Variants in ASH1L observed in about 807,000 individuals in gnomAD.
ASH1L encodes the protein ASH1 like histone lysine methyltransferase, also known as histone-lysine N-methyltransferase ASH1L.
Under a neutral mutation model 269.0 loss-of-function variants are expected in ASH1L, and 23 were observed. That is an observed-to-expected ratio of 0.09 (90% CI 0.06 to 0.12). The LOEUF (loss-of-function observed/expected upper bound fraction) is 0.12. Among genes scored for constraint, ASH1L ranks in the 10% least tolerant of loss-of-function variants. The probability of loss-of-function intolerance (pLI) is 1.00; values close to 1 mark genes in which losing one functional copy is unlikely to be tolerated. For synonymous variants in ASH1L, 1,187 were observed against 1,253.5 expected, an observed-to-expected ratio of 0.95 and a Z score of 1.12; for missense variants, 2,912 against 3,567.8, an observed-to-expected ratio of 0.82 and a Z score of 4.68.
chr1:155,508,265 CAT>C (rs1667939438), intron 2 of ASH1L, among the ~76,000 whole-genome samples: 1 of 152,108 alleles, frequency 6.6e-6, no homozygotes. Context: ...CAAAGCCAAA[CAT>C]AAATTTTTAG....
intron 21 of ASH1L, among the ~76,000 whole-genome samples, chr1:155,344,893 G>A (rs986588536): frequency 6.6e-6 from 1 of 152,070 alleles, no homozygotes; most frequent in African/African-American, 2.4e-5. Flanking sequence ...TGACGTTAAG[G>A]GTACCAAGTT....
chr1:155,445,804 A>C (rs550822175), intron 4 of ASH1L, among the ~76,000 whole-genome samples: 3 of 152,250 alleles, frequency 2.0e-5, no homozygotes, highest in East Asian at 3.9e-4. Context: ...TCTCAAAAAG[A>C]CTTTGTATTT....
At chr1:155,470,433 T>C (rs973177044) in intron 3 of ASH1L, among the ~76,000 whole-genome samples, 2 of 151,234 alleles carry the variant, frequency 1.3e-5, no homozygotes, top group South Asian at 2.1e-4. Flanking sequence ...CACTCCAGCC[T>C]GGCCAACAGA....
In ASH1L at chr1:155,352,874, G is replaced by A. The variant is rs1166365715; in HGVS notation, c.7214-16C>T. The A allele has an allele frequency of 6.3e-7, 1 of 1,582,596 alleles. No homozygotes were observed. The highest frequency in any genetic ancestry group is 8.6e-7 in the Non-Finnish European group (1 of 1,167,612). On this transcript the variant is annotated splice_polypyrimidine_tract_variant and intron_variant, in intron 16 of 27. Coordinates refer to ENST00000392403, the MANE Select transcript of ASH1L (RefSeq NM_018489.3). ...ATGAAGACATCTGGAAAAATAAAGT[G>A]AAAATTAAGTTACAGGAAACAAGGA...
At chr1:155,518,589 C>G (rs1668651067) in intron 2 of ASH1L, among the ~76,000 whole-genome samples, 1 of 145,978 alleles carries the variant, frequency 6.9e-6, no homozygotes, top group Admixed American at 7.3e-5. Context: ...AGAAGATACA[C>G]AAATGGCCAA....
chr1:155,425,114 C>T (rs1459142250), intron 5 of ASH1L, among the ~76,000 whole-genome samples: 2 of 151,606 alleles, frequency 1.3e-5, no homozygotes, highest in Non-Finnish European at 2.9e-5. Context: ...TGATTAAAGG[C>T]ATGCACAACC....
At chr1:155,380,326 G>A (rs547718613) in intron 7 of ASH1L, among the ~76,000 whole-genome samples, 21 of 152,006 alleles carry the variant, frequency 1.4e-4, no homozygotes, top group Non-Finnish European at 2.5e-4. Flanking sequence ...AAGTATAATA[G>A]TCTACATAAA....
intron 3 of ASH1L, among the ~76,000 whole-genome samples, chr1:155,470,705 C>T (rs1239964431): frequency 1.3e-5 from 2 of 151,904 alleles, no homozygotes; most frequent in African/African-American, 4.8e-5. Context: ...GCATGTGCCA[C>T]CATGCCTGGC....
chr1:155,415,251 C>T (rs761726139), intron 6 of ASH1L, among the ~76,000 whole-genome samples: 9 of 151,580 alleles, frequency 5.9e-5, no homozygotes, highest in South Asian at 2.1e-4. Flanking sequence ...GGCGTGGTGG[C>T]GGGCCCTGTA....
At chr1:155,409,008 G>A (rs1388502961) in intron 6 of ASH1L, among the ~76,000 whole-genome samples, 2 of 151,984 alleles carry the variant, frequency 1.3e-5, no homozygotes, top group South Asian at 2.1e-4. Flanking sequence ...AAGAAATAAT[G>A]GAATTAGAAA....
At chr1:155,539,039 T>C (rs551033107) in intron 1 of ASH1L, among the ~76,000 whole-genome samples, 31 of 152,340 alleles carry the variant, frequency 2.0e-4, no homozygotes, top group African/African-American at 6.7e-4. Flanking sequence ...TCCTGAGTCT[T>C]ATCTGCAGAT....
At chr1:155,415,392 A>AC (rs1660126161) in intron 6 of ASH1L, among the ~76,000 whole-genome samples, 1 of 151,788 alleles carries the variant, frequency 6.6e-6, no homozygotes. Context: ...AAAAAAAAAA[A>AC]AAAAAACAAA....
At chr1:155,459,653 A>G (rs1188706555) in intron 4 of ASH1L, 144 bp downstream of exon 4, 2 of 653,052 alleles carry the variant, frequency 3.1e-6, no homozygotes, top group Non-Finnish European at 5.2e-6. Flanking sequence ...TACCAAGTCT[A>G]TTGTTTCAAC....
At chr1:155,500,777 TG>T (rs1214578504) in intron 2 of ASH1L, among the ~76,000 whole-genome samples, 1 of 152,184 alleles carries the variant, frequency 6.6e-6, no homozygotes, top group Non-Finnish European at 1.5e-5. Context: ...GATACCAAAC[TG>T]GTCAACATGG....
At chr1:155,353,438 A>C (rs192043343) in intron 16 of ASH1L, among the ~76,000 whole-genome samples, 2 of 152,302 alleles carry the variant, frequency 1.3e-5, no homozygotes, top group African/African-American at 4.8e-5. Flanking sequence ...CTATCTAGTT[A>C]GCATTCAGCA....
At position 155,411,344 on chromosome 1, in the gene ASH1L, G is replaced by T. The variant is rs559934696; in HGVS notation, c.6008+4400C>A. On this transcript the variant is annotated intron_variant, in intron 6 of 27. Coordinates refer to ENST00000392403, the MANE Select transcript of ASH1L (RefSeq NM_018489.3). ...TTCCTACTTATTTTTGGGAGAGGAA[G>T]AGCTAGTTCTAACATACATAAAGTG... Among the ~76,000 whole-genome samples, 10 of 151,686 alleles carry T rather than the reference G, an allele frequency of 6.6e-5. No individual in the cohort carries two copies. The South Asian group carries it at 1.9e-3, about 29-fold the overall frequency.
At chr1:155,426,892 A>C (rs775101857) in intron 5 of ASH1L, among the ~76,000 whole-genome samples, 8 of 152,282 alleles carry the variant, frequency 5.3e-5, no homozygotes, top group Non-Finnish European at 1.2e-4. Flanking sequence ...TTTTGTATAG[A>C]GGATAAGACA....
intron 12 of ASH1L, among the ~76,000 whole-genome samples, chr1:155,365,244 C>T (rs1400658801): frequency 6.6e-6 from 1 of 151,956 alleles, no homozygotes; most frequent in Non-Finnish European, 1.5e-5. Flanking sequence ...TTGCTCTTGT[C>T]GCTCAGGCTG....
chr1:155,450,590 A>C, intron 4 of ASH1L, among the ~76,000 whole-genome samples: 1 of 152,218 alleles, frequency 6.6e-6, no homozygotes. Flanking sequence ...ACATTTGTAC[A>C]CTGTTGATGG....
Sources: gnomAD v4.1 joint callset for allele counts (sites outside exome capture counted in the v4.1 genomes callset) on GRCh38, gnomAD v4.1.1 for gene constraint, MANE v1.5 for transcripts, NCBI Gene and HGNC (gene_info 2026-07-23, HGNC 2026-07-21) for gene names.